SGK3: variants seen among roughly 807,000 people sequenced by gnomAD.
The protein encoded by SGK3 is serum/glucocorticoid regulated kinase family member 3, also known as serine/threonine-protein kinase Sgk3.
A neutral mutation model predicts 68.5 loss-of-function variants in SGK3; 47 were observed. The ratio of observed to expected loss-of-function variants is 0.69; its 90% CI spans 0.54 to 0.87. The LOEUF is 0.87. Among genes scored for constraint, SGK3 ranks in the 40% least tolerant of loss-of-function variants. SGK3 has a pLI of 0.00. For missense variants in SGK3, 479 were observed against 575.5 expected (o/e 0.83, Z 1.72); for synonymous variants, 181 against 189.1 (o/e 0.96, Z 0.35).
chr8:66,738,045 C>A (rs58434561), intron 1 of SGK3, among the ~76,000 whole-genome samples: 8 of 151,782 alleles, frequency 5.3e-5, no homozygotes, highest in African/African-American at 1.9e-4. Flanking sequence ...ATTGTCTCTA[C>A]TATTCTCCTG....
intron 1 of SGK3, chr8:66,737,689 C>G (rs1805365151): frequency 6.7e-6 from 1 of 150,054 alleles, no homozygotes; most frequent in Admixed American, 6.7e-5. Context: ...GATCTCGGCT[C>G]ACTGCAGACT....
intron 1 of SGK3, among the ~76,000 whole-genome samples, chr8:66,781,116 G>A (rs1332827420): frequency 6.6e-6 from 1 of 152,162 alleles, no homozygotes; most frequent in Non-Finnish European, 1.5e-5. Context: ...GTTCACATCT[G>A]CCTGTAAGAT....
chr8:66,784,992 G>T (rs1009602114), intron 1 of SGK3, among the ~76,000 whole-genome samples: 1 of 152,150 alleles, frequency 6.6e-6, no homozygotes, highest in Non-Finnish European at 1.5e-5. Flanking sequence ...CTCAGAGCCT[G>T]CTGTGTACCA....
intron 1 of SGK3, chr8:66,767,360 A>G (rs1806349224): frequency 9.2e-7 from 1 of 1,084,984 alleles, no homozygotes; most frequent in Non-Finnish European, 1.4e-6. Context: ...ATGCTTTATT[A>G]ATAGAAATAT....
chr8:66,838,952 G>A (rs1401617704), intron 10 of SGK3, among the ~76,000 whole-genome samples: 1 of 152,178 alleles, frequency 6.6e-6, no homozygotes, highest in Non-Finnish European at 1.5e-5. Flanking sequence ...TGGCAGATGA[G>A]CAAGCCTCTC....
At chr8:66,812,920 A>G (rs897190668) in intron 4 of SGK3, among the ~76,000 whole-genome samples, 1 of 152,330 alleles carries the variant, frequency 6.6e-6, no homozygotes, top group East Asian at 1.9e-4. Context: ...CTAAATTGCT[A>G]TTGCATGAGC....
intron 14 of SGK3, among the ~76,000 whole-genome samples, chr8:66,845,736 A>ATT (rs1809984846): frequency 6.7e-6 from 1 of 148,978 alleles, no homozygotes; most frequent in African/African-American, 2.5e-5. Context: ...TTATTTATTT[A>ATT]TAGTAGAGAC....
intron 6 of SGK3, among the ~76,000 whole-genome samples, chr8:66,826,853 C>T (rs1809079701): frequency 6.6e-6 from 1 of 151,872 alleles, no homozygotes; most frequent in Middle Eastern, 3.2e-3. Flanking sequence ...CCATGTTGGC[C>T]AGGCTGATCT....
chr8:66,755,007 C>A (rs1805930747), intron 1 of SGK3, among the ~76,000 whole-genome samples: 1 of 152,150 alleles, frequency 6.6e-6, no homozygotes, highest in African/African-American at 2.4e-5. Flanking sequence ...GCCTGTAATC[C>A]CAGCACTTTG....
At chr8:66,796,954 T>G (rs1160593757) in intron 2 of SGK3, among the ~76,000 whole-genome samples, 1 of 151,864 alleles carries the variant, frequency 6.6e-6, no homozygotes, top group Admixed American at 6.5e-5. Flanking sequence ...TTTTTTTTTT[T>G]TACCAATGGA....
At chr8:66,820,984 G>T (rs573035467) in intron 5 of SGK3, among the ~76,000 whole-genome samples, 1 of 152,186 alleles carries the variant, frequency 6.6e-6, no homozygotes, top group African/African-American at 2.4e-5. Flanking sequence ...GGGATTACAG[G>T]CATGAGCCAC....
At chr8:66,773,055 C>T (rs568135994) in intron 1 of SGK3, among the ~76,000 whole-genome samples, 4 of 152,152 alleles carry the variant, frequency 2.6e-5, no homozygotes, top group South Asian at 2.1e-4. Flanking sequence ...TAGTCAAGAC[C>T]GGTAGCTAGG....
intron 1 of SGK3, among the ~76,000 whole-genome samples, chr8:66,784,360 C>T (rs1272586420): frequency 2.0e-5 from 3 of 152,098 alleles, no homozygotes; most frequent in Non-Finnish European, 1.5e-5. Flanking sequence ...CCTTTTGGGA[C>T]ACGTTTGTTT....
At chr8:66,811,818 A>G (rs1356015946) in intron 4 of SGK3, among the ~76,000 whole-genome samples, 1 of 152,222 alleles carries the variant, frequency 6.6e-6, no homozygotes, top group Non-Finnish European at 1.5e-5. Context: ...AGTTCTTCAT[A>G]TGTTACTAAA....
chr8:66,834,413 G>C (rs902788925), intron 8 of SGK3, among the ~76,000 whole-genome samples: 2 of 152,108 alleles, frequency 1.3e-5, no homozygotes, highest in African/African-American at 4.8e-5. Context: ...GAAGGAGAAG[G>C]GTGAGTCATG....
chr8:66,805,152 T>C, intron 4 of SGK3, among the ~76,000 whole-genome samples: 1 of 152,110 alleles, frequency 6.6e-6, no homozygotes, highest in East Asian at 1.9e-4. Context: ...TGAAGAATAT[T>C]CACTTTTGTA....
At chr8:66,742,935 CTT>C (rs1055208763) in intron 1 of SGK3, among the ~76,000 whole-genome samples, 1 of 152,184 alleles carries the variant, frequency 6.6e-6, no homozygotes, top group Admixed American at 6.5e-5. Flanking sequence ...TTAGCGCACA[CTT>C]TGTTTTCCTG....
chr8:66,859,680 T>C lies in SGK3; in HGVS notation c.*99T>C. 7.9e-7 allele frequency: 1 copy of C among 1,273,368 alleles called. No individual in the cohort carries two copies. The highest frequency in any genetic ancestry group is 2.5e-5 in the South Asian group (1 of 39,604). The allele number at this position is 1,273,368 out of a possible 1,614,324, so 78.9% of individuals were successfully genotyped here. A position where few individuals can be genotyped will look rare whatever the true frequency, so the allele number is the denominator to read the frequency against. On this transcript the variant is annotated 3_prime_UTR_variant, in exon 17 of 17. Transcript: ENST00000521198. ...TATTCAAATATGTATAACTAGTGCC[T>C]CATTTTTATATGTAATGATGAAAAC...
At chr8:66,766,927 C>T (rs1806337665) in intron 1 of SGK3, among the ~76,000 whole-genome samples, 1 of 152,220 alleles carries the variant, frequency 6.6e-6, no homozygotes, top group South Asian at 2.1e-4. Flanking sequence ...TCTCCGCCCA[C>T]CGCAATCTCT....
Sources: gnomAD v4.1 joint callset for allele counts (sites outside exome capture counted in the v4.1 genomes callset) on GRCh38, gnomAD v4.1.1 for gene constraint, MANE v1.5 for transcripts, NCBI Gene and HGNC (gene_info 2026-07-23, HGNC 2026-07-21) for gene names.